The following SPIDR variants were observed in gnomAD, a reference collection of about 807,000 sequenced individuals.
SPIDR encodes scaffold protein involved in DNA repair, also known as DNA repair-scaffolding protein.
In SPIDR, 93 loss-of-function variants were observed where a neutral mutation model predicts 104.6. That is an observed-to-expected ratio of 0.89 (90% CI 0.75 to 1.06). The LOEUF (loss-of-function observed/expected upper bound fraction) is 1.06, where lower values mean the gene tolerates loss of function less well. Among genes scored for constraint, SPIDR ranks in the 50% least tolerant of loss-of-function variants. The pLI is 0.00. For missense variants in SPIDR, 1,154 were observed against 1,111.2 expected (o/e 1.04, Z -0.55); for synonymous variants, 431 against 416.9 (o/e 1.03, Z -0.41).
chr8:47,381,521 C>T (rs572242810), intron 5 of SPIDR, among the ~76,000 whole-genome samples: 45 of 152,334 alleles, frequency 3.0e-4, no homozygotes, highest in African/African-American at 1.1e-3. Context: ...ACTGACTGTG[C>T]TCGTTTGTAG....
chr8:47,533,903 G>A (rs967494242), intron 8 of SPIDR, among the ~76,000 whole-genome samples: 3 of 152,168 alleles, frequency 2.0e-5, no homozygotes, highest in Non-Finnish European at 2.9e-5. Flanking sequence ...TCAACCCAGT[G>A]ATCCCATTAC....
chr8:47,511,366 G>T, intron 8 of SPIDR: 1 of 1,011,954 alleles, frequency 9.9e-7, no homozygotes, highest in South Asian at 1.3e-5. Flanking sequence ...AGTGCTGCTC[G>T]GTGTCTGACC....
At chr8:47,526,413 G>A (rs765042118) in intron 8 of SPIDR, among the ~76,000 whole-genome samples, 1 of 152,192 alleles carries the variant, frequency 6.6e-6, no homozygotes, top group Non-Finnish European at 1.5e-5. Flanking sequence ...GAAAATTTAA[G>A]GCATGGATTT....
chr8:47,459,741 A>G (rs1339100825), intron 8 of SPIDR, among the ~76,000 whole-genome samples: 6 of 151,472 alleles, frequency 4.0e-5, no homozygotes, highest in African/African-American at 1.5e-4. Context: ...GTCTGTTTGT[A>G]CTGTTTCAGA....
At chr8:47,401,332 G>C (rs2061854023) in intron 6 of SPIDR, among the ~76,000 whole-genome samples, 1 of 152,144 alleles carries the variant, frequency 6.6e-6, no homozygotes, top group Admixed American at 6.5e-5. Flanking sequence ...CCTGAAGAAA[G>C]CACTAAACAT....
intron 9 of SPIDR, among the ~76,000 whole-genome samples, 171 bp from the exon 10 acceptor site, chr8:47,598,775 C>A (rs1452512832): frequency 6.6e-6 from 1 of 152,172 alleles, no homozygotes; most frequent in Non-Finnish European, 1.5e-5. Flanking sequence ...GGCCCAGAGC[C>A]CCATGCCACA....
At chr8:47,342,311 AT>A (rs1220953663) in intron 5 of SPIDR, among the ~76,000 whole-genome samples, 10 of 94,576 alleles carry the variant, frequency 1.1e-4, no homozygotes, top group Non-Finnish European at 4.3e-5. Flanking sequence ...CCCATCTTCT[AT>A]TGTACTTTCA....
intron 8 of SPIDR, among the ~76,000 whole-genome samples, chr8:47,458,600 TC>T (rs2154352121): frequency 6.6e-6 from 1 of 152,026 alleles, no homozygotes; most frequent in East Asian, 1.9e-4. Flanking sequence ...CAGTCTGACT[TC>T]CTCTTTACTG....
chr8:47,458,456 A>G (rs2073397105), intron 8 of SPIDR, among the ~76,000 whole-genome samples: 1 of 151,360 alleles, frequency 6.6e-6, no homozygotes, highest in Non-Finnish European at 1.5e-5. Context: ...GATGCTGTGT[A>G]GCAGAGCTCC....
intron 7 of SPIDR, among the ~76,000 whole-genome samples, chr8:47,439,602 T>C (rs1554694914): frequency 6.6e-6 from 1 of 152,218 alleles, no homozygotes; most frequent in East Asian, 1.9e-4. Context: ...AGTTTCTGGG[T>C]ACCTACCTAA....
intron 8 of SPIDR, among the ~76,000 whole-genome samples, chr8:47,481,733 C>A (rs1481678718): frequency 6.6e-6 from 1 of 152,084 alleles, no homozygotes; most frequent in East Asian, 1.9e-4. Context: ...ATGTGAGTGA[C>A]CAAGCTGATT....
chr8:47,381,557 A>G (rs782647275), intron 5 of SPIDR, among the ~76,000 whole-genome samples: 2 of 152,170 alleles, frequency 1.3e-5, no homozygotes, highest in Non-Finnish European at 2.9e-5. Context: ...GGGAGGCTGA[A>G]CTCAGGATAG....
intron 5 of SPIDR, among the ~76,000 whole-genome samples, chr8:47,353,021 T>C (rs1456825271): frequency 8.2e-6 from 1 of 122,130 alleles, no homozygotes; most frequent in Admixed American, 1.1e-4. Flanking sequence ...GCCACTGCAC[T>C]CCAGCCAGGC....
intron 10 of SPIDR, among the ~76,000 whole-genome samples, chr8:47,655,470 G>T (rs940655603): frequency 2.0e-5 from 3 of 152,180 alleles, no homozygotes; most frequent in Admixed American, 6.5e-5. Flanking sequence ...TTTCTCTGAT[G>T]GCCAGTGATG....
chr8:47,406,423 A>G (rs1303690705), intron 6 of SPIDR, among the ~76,000 whole-genome samples: 1 of 152,194 alleles, frequency 6.6e-6, no homozygotes, highest in Non-Finnish European at 1.5e-5. Flanking sequence ...GGAAGCATAA[A>G]CGAGTTACTT....
At chr8:47,360,190 G>A (rs1318811133) in intron 5 of SPIDR, among the ~76,000 whole-genome samples, 3 of 144,192 alleles carry the variant, frequency 2.1e-5, no homozygotes, top group East Asian at 4.2e-4. Flanking sequence ...TGCAGTGAGC[G>A]GAGATCGCGC....
intron 7 of SPIDR, among the ~76,000 whole-genome samples, chr8:47,428,520 A>G (rs1325556540): frequency 1.6e-4 from 24 of 152,194 alleles, no homozygotes; most frequent in African/African-American, 5.8e-4. Flanking sequence ...GTGTATGGTG[A>G]GCTGCTTATT....
At chr8:47,410,769 A>G (rs1226150374) in intron 7 of SPIDR, among the ~76,000 whole-genome samples, 2 of 152,008 alleles carry the variant, frequency 1.3e-5, no homozygotes, top group African/African-American at 4.8e-5. Context: ...TTAACTCGTC[A>G]TTTAGCATTA....
At chr8:47,398,611 T>C (rs1554660118) in intron 6 of SPIDR, among the ~76,000 whole-genome samples, 2 of 152,134 alleles carry the variant, frequency 1.3e-5, no homozygotes, top group African/African-American at 4.8e-5. Context: ...ATGAGGCTTT[T>C]GGCCATTTTC....
Sources: allele counts gnomAD v4.1 joint callset (sites outside exome capture counted in the v4.1 genomes callset), GRCh38; gene constraint gnomAD v4.1.1; transcripts MANE v1.5; gene names NCBI Gene and HGNC (gene_info 2026-07-23, HGNC 2026-07-21).